The following PDP1 variants were observed in gnomAD, a reference collection of about 807,000 sequenced individuals.
PDP1 encodes pyruvate dehyrogenase phosphatase catalytic subunit 1.
Under a neutral mutation model 37.1 loss-of-function variants are expected in PDP1, and 14 were observed. The ratio of observed to expected loss-of-function variants is 0.38; its 90% CI spans 0.25 to 0.59. The LOEUF is 0.59. Ranked by LOEUF, PDP1 falls within the 20% of genes least tolerant of loss-of-function variation. The pLI, the probability that PDP1 is intolerant of heterozygous loss-of-function variation, is 0.67. For synonymous variants in PDP1, 251 were observed against 243.3 expected, an observed-to-expected ratio of 1.03 and a Z score of -0.29; for missense variants, 544 against 655.3, an observed-to-expected ratio of 0.83 and a Z score of 1.85.
In PDP1 at chr8:93,923,778, AT is replaced by A; in HGVS notation, c.*108del. 2 of 1,002,346 alleles carry A rather than the reference AT, an allele frequency of 2.0e-6. No homozygotes were observed. Among genetic ancestry groups the A allele is most frequent in the Non-Finnish European group, 3.2e-6 (2 of 632,812 alleles). 62.1% of individuals were successfully genotyped at this position (1,002,346 alleles called of 1,614,324 possible). A position where few individuals can be genotyped will look rare whatever the true frequency, so the allele number is the denominator to read the frequency against. On this transcript the variant is annotated 3_prime_UTR_variant, in exon 2 of 2. Transcript: ENST00000297598. The surrounding 1 kb of genome is among the most constrained non-coding windows in gnomAD (Gnocchi z 4.3). ...ACATTTCCAGTTGGTCATTCTAAGC[AT>A]TTACCCTTTTGATACTCTAGCTAGT...
chr8:93,919,780 A>C (rs1810207803), intron 1 of PDP1: 1 of 152,152 alleles, frequency 6.6e-6, no homozygotes, highest in Admixed American at 6.5e-5. Context: ...TTAATGATAG[A>C]AAACCTTTAT....
chr8:93,917,686 T>C, intron 1 of PDP1: 3 of 918,760 alleles, frequency 3.3e-6, no homozygotes, highest in Non-Finnish European at 4.8e-6. Flanking sequence ...TTTGGTTGGC[T>C]TCCTTGTTCT....
rs769711015 is a variant in PDP1 at position 93,923,675 on chromosome 8, G to C, written c.*2G>C. ...GGGGCGTATCAAAACCAAGAATAGTGAGTGGCTCTTTCACTGGCAATTCTC... is the reference window on the plus strand; with the variant it reads ...GGGGCGTATCAAAACCAAGAATAGTCAGTGGCTCTTTCACTGGCAATTCTC... On this transcript the variant is annotated 3_prime_UTR_variant, in exon 2 of 2. Coordinates refer to ENST00000297598, the MANE Select transcript of PDP1 (RefSeq NM_018444.4). The surrounding 1 kb of genome is among the most constrained non-coding windows in gnomAD (Gnocchi z 4.3). 7 of 1,608,156 alleles carry C rather than the reference G, an allele frequency of 4.4e-6. No individual in the cohort carries two copies. The highest frequency in any genetic ancestry group is 6.0e-6 in the Non-Finnish European group (7 of 1,174,852).
chr8:93,923,781 T>TACC lies in PDP1; in HGVS notation c.*109_*111dup. On this transcript the variant is annotated 3_prime_UTR_variant, in exon 2 of 2. Coordinates refer to ENST00000297598, the MANE Select transcript of PDP1 (RefSeq NM_018444.4). This position sits in a 1 kb window ranked among gnomAD's most constrained non-coding sequence, Gnocchi z 4.3. ...TTTCCAGTTGGTCATTCTAAGCATTTACCCTTTTGATACTCTAGCTAGTCA... is the reference window on the plus strand; with the variant it reads ...TTTCCAGTTGGTCATTCTAAGCATTTACCACCCTTTTGATACTCTAGCTAGTCA... 1 of 971,118 alleles carries TACC rather than the reference T, an allele frequency of 1.0e-6. No homozygotes were observed. Among genetic ancestry groups the TACC allele is most frequent in the Non-Finnish European group, 1.7e-6 (1 of 606,010 alleles). 60.2% of individuals were successfully genotyped at this position (971,118 alleles called of 1,614,324 possible).
chr8:93,917,831 C>G, intron 1 of PDP1: 2 of 1,609,992 alleles, frequency 1.2e-6, no homozygotes, highest in Non-Finnish European at 1.7e-6. Flanking sequence ...CTCTGCCTTG[C>G]TTTCAATGGG....
At chr8:93,917,797 G>T in intron 1 of PDP1, 1 of 1,346,462 alleles carries the variant, frequency 7.4e-7, no homozygotes, top group South Asian at 1.2e-5. Flanking sequence ...CCGCCTCCCC[G>T]CCGCCGCCTC....
chr8:93,925,170 G>A lies in PDP1; in HGVS notation c.*1497G>A, dbSNP rs892560651. ...TCACATTTTTTGGGGATATGAACTAGATGTTCAAGAACTCCTTCTGGACTG... is the reference window on the plus strand; with the variant it reads ...TCACATTTTTTGGGGATATGAACTAAATGTTCAAGAACTCCTTCTGGACTG... On this transcript the variant is annotated 3_prime_UTR_variant, in exon 2 of 2. Transcript: ENST00000297598. The A allele has an allele frequency of 6.0e-6, 1 of 167,048 alleles. No homozygotes were observed. The highest frequency in any genetic ancestry group is 1.5e-5 in the Non-Finnish European group (1 of 68,098). 10.3% of individuals were successfully genotyped at this position (167,048 alleles called of 1,614,324 possible). A position where few individuals can be genotyped will look rare whatever the true frequency, so the allele number is the denominator to read the frequency against.
chr8:93,917,804 C>T (rs1176612115), intron 1 of PDP1: 1 of 1,596,794 alleles, frequency 6.3e-7, no homozygotes, highest in East Asian at 2.3e-5. Flanking sequence ...CCCGCCGCCG[C>T]CTCCTCTAAT....
chr8:93,924,189 T>C lies in PDP1; in HGVS notation c.*516T>C, dbSNP rs1199653570. The C allele has an allele frequency of 5.9e-6, 1 of 168,752 alleles. No homozygotes were observed. Among genetic ancestry groups the C allele is most frequent in the Non-Finnish European group, 1.4e-5 (1 of 69,332 alleles). 10.5% of individuals were successfully genotyped at this position (168,752 alleles called of 1,614,324 possible). A position where few individuals can be genotyped will look rare whatever the true frequency, so the allele number is the denominator to read the frequency against. On this transcript the variant is annotated 3_prime_UTR_variant, in exon 2 of 2. Transcript: ENST00000297598. ...TTTTCAAATCCAGTTCTTCAAGCCA[T>C]AAATGACCAAGATCCAAGCAATCTG...
chr8:93,919,484 C>T (rs1302463946), intron 1 of PDP1, among the ~76,000 whole-genome samples: 7 of 117,670 alleles, frequency 5.9e-5, no homozygotes, highest in Admixed American at 3.7e-4. Context: ...TTCCTCCCCC[C>T]GCTGCCCTCC....
chr8:93,920,258 C>T (rs1810228141), intron 1 of PDP1, among the ~76,000 whole-genome samples: 2 of 152,188 alleles, frequency 1.3e-5, no homozygotes, highest in Admixed American at 6.5e-5. Context: ...TTGCTTCCCT[C>T]TACCCCAATT....
In PDP1 at chr8:93,923,160, A is replaced by T; in HGVS notation, c.1101A>T (p.Arg367Ser). Residue 367 changes from arginine to serine, a missense_variant, in exon 2 of 2, where the codon AGA becomes AGT. Transcript: ENST00000297598. This position sits in a 1 kb window ranked among gnomAD's most constrained non-coding sequence, Gnocchi z 4.3. ...AATGGAGCATTGACCTTCAAAAGAG[A>T]GTGATAGAATCTGGCCCAGACCAGT... ...KFKWSIDLQKRVIESGPDQLN... is the reference protein window; with the variant it reads ...KFKWSIDLQKSVIESGPDQLN... 2 of 1,614,172 alleles carry T rather than the reference A, an allele frequency of 1.2e-6. No individual in the cohort carries two copies. The highest frequency in any genetic ancestry group is 8.5e-7 in the Non-Finnish European group (1 of 1,180,022).
rs746071530 is a variant in PDP1 at position 93,917,005 on chromosome 8, A to G, written c.-119A>G. 4.2e-6 allele frequency: 2 copies of G among 477,608 alleles called. No individual in the cohort carries two copies. Among genetic ancestry groups the G allele is most frequent in the Middle Eastern group, 3.3e-4 (1 of 3,056 alleles). 29.6% of individuals were successfully genotyped at this position (477,608 alleles called of 1,614,324 possible). ...CCGGGAGCTGCACGGGGCTGCGTGG[A>G]AAGAGCGCCGAGCGGTGGCGTCGTT... On this transcript the variant is annotated 5_prime_UTR_variant, in exon 1 of 2. Coordinates refer to ENST00000297598, the MANE Select transcript of PDP1 (RefSeq NM_018444.4).
At position 93,923,614 on chromosome 8, in the gene PDP1, A is replaced by G; in HGVS notation, c.1555A>G (p.Thr519Ala). 1.2e-6 allele frequency: 2 copies of G among 1,614,192 alleles called. No homozygotes were observed. The highest frequency in any genetic ancestry group is 1.7e-6 in the Non-Finnish European group (2 of 1,180,034). ...TGCTCGAATGTACAGAGATGACATT[A>G]CAATCATTGTAGTTCAGTTCAATTC... ...ELARMYRDDI[T>A]IIVVQFNSHV... Residue 519 changes from threonine (T) to alanine (A), a missense_variant, in exon 2 of 2, where the codon ACA becomes GCA. Around this residue, in one of 5 missense-constraint regions of PDP1, gnomAD observed 159 missense variants for 165.5 expected, o/e 0.96. Transcript: ENST00000297598. The surrounding 1 kb of genome is among the most constrained non-coding windows in gnomAD (Gnocchi z 4.3).
In PDP1 at chr8:93,922,666, G is replaced by A. The variant is rs1403574457; in HGVS notation, c.607G>A (p.Glu203Lys). The A allele has an allele frequency of 6.2e-7, 1 of 1,614,034 alleles. No homozygotes were observed. Among genetic ancestry groups the A allele is most frequent in the Non-Finnish European group, 8.5e-7 (1 of 1,180,036 alleles). Residue 203 changes from glutamate (E) to lysine (K), a missense_variant, in exon 2 of 2, where the codon GAG becomes AAG. Transcript: ENST00000297598. The surrounding 1 kb of genome is among the most constrained non-coding windows in gnomAD (Gnocchi z 4.0). ...HKHPNDYFSK[E>K]ASKLYFNSLR... Reference sequence around the variant, plus strand: ...GCACCCCAATGATTACTTTAGTAAGGAGGCATCCAAATTGTACTTTAACAG... The same window carrying A: ...GCACCCCAATGATTACTTTAGTAAGAAGGCATCCAAATTGTACTTTAACAG...
rs762878527 is a variant in PDP1 at position 93,923,163 on chromosome 8, G to A, written c.1104G>A (p.Val368=). Residue 368 remains valine, a synonymous_variant, in exon 2 of 2, where the codon GTG becomes GTA. Coordinates refer to ENST00000297598, the MANE Select transcript of PDP1 (RefSeq NM_018444.4). This position sits in a 1 kb window ranked among gnomAD's most constrained non-coding sequence, Gnocchi z 4.3. ...FKWSIDLQKR[V]IESGPDQLND... is the part of the protein sequence containing the mutation. Reference sequence around the variant, plus strand: ...GGAGCATTGACCTTCAAAAGAGAGTGATAGAATCTGGCCCAGACCAGTTGA... The same window carrying A: ...GGAGCATTGACCTTCAAAAGAGAGTAATAGAATCTGGCCCAGACCAGTTGA... 47 of 1,614,074 alleles carry A rather than the reference G, an allele frequency of 2.9e-5. No individual in the cohort carries two copies. The highest frequency in any genetic ancestry group is 3.4e-5 in the Non-Finnish European group (40 of 1,180,044).
At position 93,923,888 on chromosome 8, in the gene PDP1, A is replaced by T; in HGVS notation, c.*215A>T. On this transcript the variant is annotated 3_prime_UTR_variant, in exon 2 of 2. Coordinates refer to ENST00000297598, the MANE Select transcript of PDP1 (RefSeq NM_018444.4). The surrounding 1 kb of genome is among the most constrained non-coding windows in gnomAD (Gnocchi z 4.3). ...CTAGCTCAGATTTCATGGCACCTGC[A>T]CTTGAAGCAAGTCACTTCTTTATCA... The T allele has an allele frequency of 7.4e-6, 4 of 539,724 alleles. No individual in the cohort carries two copies. Among genetic ancestry groups the T allele is most frequent in the Non-Finnish European group, 1.0e-5 (3 of 289,244 alleles). The allele number at this position is 539,724 out of a possible 1,614,324, so 33.4% of individuals were successfully genotyped here.
Position 93,922,529 on chromosome 8 carries a change from A to G in PDP1, c.470A>G (p.Glu157Gly). ...AGCACSQAVS[E>G]RLFYYIAVSL... ...TGTGCTTGTTCCCAGGCAGTCAGTG[A>G]AAGACTCTTTTATTATATTGCTGTC... The change falls in exon 2 of 2, where the codon GAA becomes GGA. Residue 157 changes from glutamate (E) to glycine (G), a missense_variant. Coordinates refer to ENST00000297598, the MANE Select transcript of PDP1 (RefSeq NM_018444.4). The surrounding 1 kb of genome is among the most constrained non-coding windows in gnomAD (Gnocchi z 4.0). 1 of 1,613,956 alleles carries G rather than the reference A, an allele frequency of 6.2e-7. No individual in the cohort carries two copies. The highest frequency in any genetic ancestry group is 8.5e-7 in the Non-Finnish European group (1 of 1,180,034).
chr8:93,920,495 G>A (rs1443058016), intron 1 of PDP1: 15 of 930,974 alleles, frequency 1.6e-5, no homozygotes, highest in Non-Finnish European at 1.9e-5. Context: ...CAAGAATTCA[G>A]GGAAAATATA....
Sources: gnomAD v4.1 joint callset for allele counts (sites outside exome capture counted in the v4.1 genomes callset) on GRCh38, gnomAD v4.1.1 for gene constraint, gnomAD v4.1.1 regional missense constraint, Gnocchi (gnomAD v3.1) non-coding constraint, MANE v1.5 for transcripts, NCBI Gene and HGNC (gene_info 2026-07-23, HGNC 2026-07-21) for gene names.